Variants in PCSK5 observed in about 807,000 individuals in gnomAD.
PCSK5 encodes prohormone convertase 5.
A neutral mutation model predicts 233.2 loss-of-function variants in PCSK5; 129 were observed. The observed-to-expected ratio is 0.55, with a 90% CI of 0.48 to 0.64. PCSK5 has a LOEUF of 0.64. Among genes scored for constraint, PCSK5 ranks in the 30% least tolerant of loss-of-function variants. The pLI is 0.00. For missense variants in PCSK5, 2,076 were observed against 2,430.1 expected (o/e 0.85, Z 3.06); for synonymous variants, 825 against 879.2 (o/e 0.94, Z 1.09).
chr9:75,952,752 G>A (rs181846242), intron 2 of PCSK5, among the ~76,000 whole-genome samples: 1 of 152,128 alleles, frequency 6.6e-6, no homozygotes, highest in African/African-American at 2.4e-5. Context: ...TTTGCACTTA[G>A]CATAATGCCT....
At chr9:76,321,663 G>T (rs1165269340) in intron 31 of PCSK5, 24 bp downstream of exon 31, 3 of 1,531,240 alleles carry the variant, frequency 2.0e-6, no homozygotes, top group Non-Finnish European at 2.7e-6. Context: ...TCCCACAGGA[G>T]AGCAAGGCTC....
intron 13 of PCSK5, among the ~76,000 whole-genome samples, chr9:76,170,846 AC>A (rs1823301062): frequency 6.6e-6 from 1 of 152,218 alleles, no homozygotes; most frequent in Admixed American, 6.5e-5. Context: ...CGTTTGCCAG[AC>A]TTTTGCCTGC....
chr9:76,034,345 T>C (rs1385671506), intron 5 of PCSK5, among the ~76,000 whole-genome samples: 2 of 152,164 alleles, frequency 1.3e-5, no homozygotes, highest in Non-Finnish European at 2.9e-5. Flanking sequence ...ATCGTTTCCT[T>C]GTTTCTGGTC....
chr9:76,110,376 C>T (rs1832161450), intron 9 of PCSK5, among the ~76,000 whole-genome samples: 1 of 152,224 alleles, frequency 6.6e-6, no homozygotes, highest in Admixed American at 6.5e-5. Flanking sequence ...CACCAGATTA[C>T]TGTATTTACT....
chr9:75,905,901 C>T (rs888057052), intron 1 of PCSK5, among the ~76,000 whole-genome samples: 4 of 152,022 alleles, frequency 2.6e-5, no homozygotes, highest in Admixed American at 1.3e-4. Flanking sequence ...TCCCTGGTGC[C>T]GAAAAGGTTG....
chr9:75,911,311 AC>A (rs1355935022), intron 1 of PCSK5, among the ~76,000 whole-genome samples: 1 of 143,824 alleles, frequency 7.0e-6, no homozygotes, highest in Non-Finnish European at 1.5e-5. Context: ...GTTATAGTGA[AC>A]CCAGCAAGTC....
rs148615737 is a variant in PCSK5 at position 75,991,029 on chromosome 9, C to T, written c.411+4784C>T. Among the ~76,000 whole-genome samples the T allele has an allele frequency of 1.6e-3, 249 of 152,298 alleles. 1 individual carries two copies. In the East Asian group the frequency reaches 0.031, roughly 19 times the overall value. The stretch of plus-strand genomic sequence containing the variant: ...AGTGTGTGTCAAGCATTTTGCCACA[C>T]TTTCATGTGTATTATCTTATCGCCA... On this transcript the variant is annotated intron_variant, in intron 3 of 37. Coordinates refer to ENST00000674117, the MANE Select transcript of PCSK5 (RefSeq NM_001372043.1).
At chr9:76,037,369 G>C (rs1828901728) in intron 5 of PCSK5, among the ~76,000 whole-genome samples, 1 of 152,146 alleles carries the variant, frequency 6.6e-6, no homozygotes, top group African/African-American at 2.4e-5. Flanking sequence ...TTGTTTGTTT[G>C]TTTAATTAAA....
chr9:76,323,062 T>G lies in PCSK5; in HGVS notation c.4113T>G (p.Pro1371=). ...IHEKTCKECT[P]EFFLHDDMCH... is the part of the protein sequence containing the mutation. The stretch of plus-strand genomic sequence containing the variant: ...TCCTCCTTTTCCCAGAGTGCACGCC[T>G]GAGTTCTTCCTGCACGATGATATGT... The change falls in exon 32 of 38, where the codon CCT becomes CCG. Residue 1371 remains proline (P), a synonymous_variant. Transcript: ENST00000674117. 1 of 1,596,098 alleles carries G rather than the reference T, an allele frequency of 6.3e-7. No individual in the cohort carries two copies. Among genetic ancestry groups the G allele is most frequent in the Non-Finnish European group, 8.6e-7 (1 of 1,169,150 alleles).
chr9:76,171,701 A>T (rs940554246), intron 13 of PCSK5, among the ~76,000 whole-genome samples: 107 of 152,300 alleles, frequency 7.0e-4, no homozygotes, highest in African/African-American at 2.5e-3. Flanking sequence ...TTCATAGCAG[A>T]GGCATCTCCT....
At chr9:75,927,017 G>T (rs1050733540) in intron 1 of PCSK5, among the ~76,000 whole-genome samples, 1 of 152,128 alleles carries the variant, frequency 6.6e-6, no homozygotes, top group East Asian at 1.9e-4. Context: ...TGAGGAGAGT[G>T]TATGTTTCAT....
At position 76,027,850 on chromosome 9, in the gene PCSK5, TTTTTATTTACATG is replaced by T. The variant is rs572575159; in HGVS notation, c.632+826_632+838del. 1.1e-4 allele frequency among the ~76,000 whole-genome samples: 16 copies of T among 152,318 alleles called. No homozygotes were observed. The South Asian group carries it at 2.9e-3, about 28-fold the overall frequency. ...TGTAATTTAGATACTTTCATTTGAA[TTTTTATTTACATG>T]TTTTATTTACATAACATGCACTGAA... On this transcript the variant is annotated intron_variant, in intron 5 of 37. Coordinates refer to ENST00000674117, the MANE Select transcript of PCSK5 (RefSeq NM_001372043.1).
chr9:76,024,932 A>T (rs943298241), intron 4 of PCSK5, among the ~76,000 whole-genome samples: 1 of 152,164 alleles, frequency 6.6e-6, no homozygotes, highest in Admixed American at 6.5e-5. Context: ...AAATCTTGGC[A>T]TAGGAAAACT....
chr9:76,235,081 A>G (rs2131321492), intron 22 of PCSK5, among the ~76,000 whole-genome samples: 1 of 152,302 alleles, frequency 6.6e-6, no homozygotes, highest in East Asian at 1.9e-4. Context: ...AGAGCATGGC[A>G]TGGTTTCTAC....
chr9:76,296,031 T>C (rs886942026), intron 26 of PCSK5, among the ~76,000 whole-genome samples: 12 of 152,234 alleles, frequency 7.9e-5, no homozygotes. Flanking sequence ...TTCGATGCTC[T>C]TAACCCTCTA....
intron 2 of PCSK5, among the ~76,000 whole-genome samples, chr9:75,964,897 G>A (rs371080995): frequency 1.8e-4 from 28 of 152,132 alleles, no homozygotes; most frequent in Admixed American, 1.4e-3. Flanking sequence ...TGGCGGGGGT[G>A]GGGGAGCATT....
intron 12 of PCSK5, among the ~76,000 whole-genome samples, chr9:76,159,441 A>C (rs987563509): frequency 1.3e-5 from 2 of 152,244 alleles, no homozygotes; most frequent in African/African-American, 4.8e-5. Context: ...AAAGAATTGC[A>C]GAGCACTAAC....
intron 12 of PCSK5, among the ~76,000 whole-genome samples, chr9:76,160,638 C>T (rs753016085): frequency 2.0e-5 from 3 of 152,166 alleles, no homozygotes; most frequent in African/African-American, 4.8e-5. Context: ...AAAGTCTGCA[C>T]GGCCAACAGT....
intron 3 of PCSK5, among the ~76,000 whole-genome samples, chr9:76,020,204 C>T (rs1438938227): frequency 2.6e-5 from 4 of 152,184 alleles, no homozygotes; most frequent in African/African-American, 7.2e-5. Flanking sequence ...CTGGGTGCTG[C>T]TGTAACATAG....
Sources: gnomAD v4.1 joint callset for allele counts (sites outside exome capture counted in the v4.1 genomes callset) on GRCh38, gnomAD v4.1.1 for gene constraint, MANE v1.5 for transcripts, NCBI Gene and HGNC (gene_info 2026-07-23, HGNC 2026-07-21) for gene names.